SACM1L: variants seen among roughly 807,000 people sequenced by gnomAD.
SACM1L encodes the protein phosphatidylinositol-3-phosphatase SAC1.
SACM1L carries 32 observed loss-of-function variants against 89.5 expected under a neutral mutation model. The ratio of observed to expected loss-of-function variants is 0.36; its 90% CI spans 0.27 to 0.48. The LOEUF is 0.48. Ranked by LOEUF, SACM1L falls within the 20% of genes least tolerant of loss-of-function variation. The pLI is 0.99. For missense variants in SACM1L, 543 were observed against 708.5 expected (o/e 0.77, Z 2.65); for synonymous variants, 213 against 232.8 (o/e 0.92, Z 0.77).
intron 8 of SACM1L, among the ~76,000 whole-genome samples, 184 bp downstream of exon 8, chr3:45,719,785 C>T (rs1698747198): frequency 6.6e-6 from 1 of 152,128 alleles, no homozygotes; most frequent in Non-Finnish European, 1.5e-5. Flanking sequence ...AATTACATTG[C>T]AAATGTTAAT....
Position 45,737,824 on chromosome 3 carries a change from C to T in SACM1L, c.1362C>T (p.Ala454=). Reference sequence around the variant, plus strand: ...CCAAGCAATATGCGGGAACTGGTGCCTTGAAGACTGACTTTACCAGGCAAG... The same window carrying T: ...CCAAGCAATATGCGGGAACTGGTGCTTTGAAGACTGACTTTACCAGGCAAG... ...ACAKQYAGTG[A]LKTDFTRTGK... is the part of the protein sequence containing the mutation. Residue 454 remains alanine (A), a synonymous_variant, in exon 16 of 20, where the codon GCC becomes GCT. Transcript: ENST00000389061. 6.2e-7 allele frequency: 1 copy of T among 1,614,070 alleles called. No individual in the cohort carries two copies. The highest frequency in any genetic ancestry group is 8.5e-7 in the Non-Finnish European group (1 of 1,179,946).
rs1312339232 is a variant in SACM1L, at chr3:45,721,991, T to C, written c.680-9T>C. 1.3e-5 allele frequency: 21 copies of C among 1,591,490 alleles called. No individual in the cohort carries two copies. Among genetic ancestry groups the C allele is most frequent in the East Asian group, 8.9e-5 (4 of 44,744 alleles). On this transcript the variant is annotated splice_polypyrimidine_tract_variant and intron_variant, in intron 8 of 19. Transcript: ENST00000389061. ...AGTATAGTTAATTCTTAATTTTTTT[T>C]CTATTTAGGAATTGATTCGGAAGGC...
At chr3:45,725,071 ATT>A (rs1698887079) in intron 11 of SACM1L, among the ~76,000 whole-genome samples, 1 of 152,136 alleles carries the variant, frequency 6.6e-6, no homozygotes, top group African/African-American at 2.4e-5. Flanking sequence ...GGATCACACT[ATT>A]TTGGTTACTA....
intron 11 of SACM1L, among the ~76,000 whole-genome samples, chr3:45,724,155 C>G (rs1319251572): frequency 2.0e-5 from 3 of 152,120 alleles, no homozygotes; most frequent in Non-Finnish European, 4.4e-5. Context: ...AGTAGAATTG[C>G]TAGATCATAT....
At chr3:45,716,926 A>G (rs940141783) in intron 7 of SACM1L, among the ~76,000 whole-genome samples, 1 of 151,402 alleles carries the variant, frequency 6.6e-6, no homozygotes, top group South Asian at 2.1e-4. Flanking sequence ...TTTGTCTTGT[A>G]ATCAGAGGAA....
chr3:45,701,378 C>A (rs1284321946), intron 1 of SACM1L, among the ~76,000 whole-genome samples: 4 of 152,166 alleles, frequency 2.6e-5, no homozygotes, highest in Non-Finnish European at 5.9e-5. Context: ...GGAATGTATT[C>A]ATCACCTGCC....
intron 18 of SACM1L, 139 bp downstream of exon 18, chr3:45,739,012 A>T: frequency 1.7e-6 from 1 of 603,744 alleles, no homozygotes; most frequent in South Asian, 2.2e-5. Context: ...TTTTCCAAAG[A>T]GGTCAGGCTG....
Position 45,739,617 on chromosome 3 carries a change from A to C in SACM1L, c.1600A>C (p.Met534Leu). 6.2e-7 allele frequency: 1 copy of C among 1,614,032 alleles called. No homozygotes were observed. Among genetic ancestry groups the C allele is most frequent in the Non-Finnish European group, 8.5e-7 (1 of 1,179,994 alleles). ...TATTATCATGGTTGTTGCCTTTTCA[A>C]TGTGCATTATCTGTTTGCTTATGGC... ...LPIIMVVAFS[M>L]CIICLLMAGD... Residue 534 changes from methionine (M) to leucine (L), a missense_variant, in exon 19 of 20, where the codon ATG (methionine) becomes CTG (leucine). By Grantham distance (15) the Met-to-Leu change is conservative. This residue lies in a region of SACM1L where 370 missense variants were observed against 527.6 expected (regional missense o/e 0.70). Coordinates refer to ENST00000389061, the MANE Select transcript of SACM1L (RefSeq NM_014016.5).
intron 1 of SACM1L, among the ~76,000 whole-genome samples, chr3:45,696,615 C>T (rs2742433): frequency 0.27 from 40,700 of 151,912 alleles, 6,739 homozygotes; most frequent in Middle Eastern, 0.43. Context: ...GTCTCCGCAT[C>T]CTAGCCAACA....
At chr3:45,734,605 C>T (rs906947917) in intron 13 of SACM1L, 3 of 152,094 alleles carry the variant, frequency 2.0e-5, no homozygotes, top group African/African-American at 7.3e-5. Flanking sequence ...CACCACCATG[C>T]CTGGCTACGT....
intron 11 of SACM1L, among the ~76,000 whole-genome samples, chr3:45,728,543 A>G (rs1206803291): frequency 6.6e-6 from 1 of 152,224 alleles, no homozygotes; most frequent in Admixed American, 6.5e-5. Flanking sequence ...AGAAGCATAT[A>G]AAAGCTCTAC....
At chr3:45,725,704 A>G (rs1698903184) in intron 11 of SACM1L, among the ~76,000 whole-genome samples, 1 of 150,454 alleles carries the variant, frequency 6.6e-6, no homozygotes, top group Non-Finnish European at 1.5e-5. Context: ...TTCTTGCCTA[A>G]TTGGTGTTGC....
At chr3:45,740,939 G>A (rs1699300216) in intron 19 of SACM1L, among the ~76,000 whole-genome samples, 1 of 152,078 alleles carries the variant, frequency 6.6e-6, no homozygotes, top group Non-Finnish European at 1.5e-5. Context: ...GAGGAGACAA[G>A]GTCTTTACTG....
intron 11 of SACM1L, among the ~76,000 whole-genome samples, chr3:45,729,460 C>T (rs1698997766): frequency 1.3e-5 from 2 of 152,192 alleles, no homozygotes; most frequent in African/African-American, 2.4e-5. Flanking sequence ...GAAGGACTCC[C>T]TTTAGCATTT....
chr3:45,737,855 C>CT lies in SACM1L; in HGVS notation c.1382+15dup. Reference sequence around the variant, plus strand: ...GACTGACTTTACCAGGCAAGCCATGCTTTTAAAATAGCATTCCACATCAGT... The same window carrying CT: ...GACTGACTTTACCAGGCAAGCCATGCTTTTTAAAATAGCATTCCACATCAGT... On this transcript the variant is annotated intron_variant, in intron 16 of 19. Coordinates refer to ENST00000389061, the MANE Select transcript of SACM1L (RefSeq NM_014016.5). 1 of 1,609,372 alleles carries CT rather than the reference C, an allele frequency of 6.2e-7. No homozygotes were observed. Among genetic ancestry groups the CT allele is most frequent in the East Asian group, 2.2e-5 (1 of 44,860 alleles).
At chr3:45,698,676 G>T (rs957205402) in intron 1 of SACM1L, among the ~76,000 whole-genome samples, 2 of 152,064 alleles carry the variant, frequency 1.3e-5, no homozygotes, top group African/African-American at 2.4e-5. Context: ...TCAGCCTCCT[G>T]AGTAGCTGGG....
intron 11 of SACM1L, among the ~76,000 whole-genome samples, chr3:45,725,818 A>G (rs1698905564): frequency 6.6e-6 from 1 of 152,056 alleles, no homozygotes; most frequent in Admixed American, 6.5e-5. Context: ...ATTAAATATG[A>G]TACTAGCTGT....
Position 45,721,332 on chromosome 3 carries a change from A to G in SACM1L, c.680-668A>G, listed in dbSNP as rs577478972. On this transcript the variant is annotated intron_variant, in intron 8 of 19. Coordinates refer to ENST00000389061, the MANE Select transcript of SACM1L (RefSeq NM_014016.5). ...AGGTCGGGAGTTTGAGACCAGCCTG[A>G]CCAACATGGAGAAACCCCATCTCTA... is the stretch of plus-strand genomic sequence containing the variant. Among the ~76,000 whole-genome samples, 24 of 152,162 alleles carry G rather than the reference A, an allele frequency of 1.6e-4. No individual in the cohort carries two copies. In the Middle Eastern group the frequency reaches 0.014, roughly 86 times the overall value.
chr3:45,734,187 C>T (rs2742464), intron 13 of SACM1L, among the ~76,000 whole-genome samples: 93,126 of 147,968 alleles, frequency 0.63, 29,679 homozygotes, highest in Non-Finnish European at 0.66. Context: ...CCAAGGCAGA[C>T]GGATCACCTG....
Sources: allele counts gnomAD v4.1 joint callset (sites outside exome capture counted in the v4.1 genomes callset), GRCh38; gene constraint gnomAD v4.1.1; regional missense constraint gnomAD v4.1.1; transcripts MANE v1.5; gene names NCBI Gene and HGNC (gene_info 2026-07-23, HGNC 2026-07-21).